The following CNTN6 variants were observed in gnomAD, a reference collection of about 807,000 sequenced individuals.
CNTN6 encodes contactin 6, also known as contactin-6.
Under a neutral mutation model 122.8 loss-of-function variants are expected in CNTN6, and 137 were observed. The ratio of observed to expected loss-of-function variants is 1.12; its 90% CI spans 0.97 to 1.29. CNTN6 has a LOEUF of 1.29. Among genes scored for constraint, CNTN6 ranks in the 50% most tolerant of loss-of-function variants. CNTN6 has a pLI of 0.00. For synonymous variants in CNTN6, 570 were observed against 426.0 expected (o/e 1.34, Z -4.16); for missense variants, 1,634 against 1,223.4 (o/e 1.34, Z -5.01).
intron 4 of CNTN6, among the ~76,000 whole-genome samples, chr3:1,262,146 T>A (rs6768650): frequency 0.022 from 3,344 of 152,268 alleles, 129 homozygotes; most frequent in African/African-American, 0.076. Context: ...ACCTCTTTTC[T>A]GCAGTTACAG....
At chr3:1,282,635 G>C (rs947932097) in intron 5 of CNTN6, among the ~76,000 whole-genome samples, 2 of 152,086 alleles carry the variant, frequency 1.3e-5, no homozygotes, top group Non-Finnish European at 2.9e-5. Flanking sequence ...ACGAAGTTTT[G>C]TAAGGACAGC....
intron 4 of CNTN6, among the ~76,000 whole-genome samples, chr3:1,236,688 A>G (rs543310769): frequency 6.6e-6 from 1 of 152,310 alleles, no homozygotes; most frequent in South Asian, 2.1e-4. Flanking sequence ...CAACTCCCCC[A>G]AAAGATTATG....
rs201612169 is a variant in CNTN6, at chr3:1,385,766, C to T, written c.2673C>T (p.Ser891=). 1.4e-5 allele frequency: 23 copies of T among 1,611,946 alleles called. No homozygotes were observed. In the Middle Eastern group the frequency reaches 5.0e-4, roughly 35 times the overall value. The change falls in exon 20 of 23, where the codon AGC becomes AGT. Residue 891 remains serine, a synonymous_variant. Transcript: ENST00000446702. The stretch of plus-strand genomic sequence containing the variant: ...ACACTGCTGGGACAGGGCCCTCAAG[C>T]CCCCCAGTCAATGTTACCACCAAAA... ...AYNTAGTGPS[S]PPVNVTTKKS... is the part of the protein sequence containing the mutation.
intron 7 of CNTN6, among the ~76,000 whole-genome samples, chr3:1,301,123 G>A (rs1380084970): frequency 5.0e-5 from 7 of 139,544 alleles, no homozygotes; most frequent in Non-Finnish European, 4.5e-5. Context: ...TGCAACCTCC[G>A]CGTCCCCGGT....
At position 1,177,445 on chromosome 3, in the gene CNTN6, A is replaced by G. The variant is rs185743686; in HGVS notation, c.55+29382A>G. ...AAGCAGTTAAAAGTAAGAAATTTAAATTGTATTTTTGTCTTCATTTATTGC... is the reference window on the plus strand; with the variant it reads ...AAGCAGTTAAAAGTAAGAAATTTAAGTTGTATTTTTGTCTTCATTTATTGC... On this transcript the variant is annotated intron_variant, in intron 2 of 22. Coordinates refer to ENST00000446702, the MANE Select transcript of CNTN6 (RefSeq NM_001289080.2). Among the ~76,000 whole-genome samples, 202 of 152,268 alleles carry G rather than the reference A, an allele frequency of 1.3e-3. 1 individual carries two copies. The highest frequency in any genetic ancestry group is 1.9e-3 in the Non-Finnish European group (129 of 68,018).
intron 4 of CNTN6, among the ~76,000 whole-genome samples, chr3:1,233,734 CAAA>C (rs1166507455): frequency 7.7e-5 from 4 of 52,168 alleles, no homozygotes; most frequent in Admixed American, 2.4e-4. Flanking sequence ...GACTCTGTCT[CAAA>C]AAAAAAAAAA....
intron 4 of CNTN6, among the ~76,000 whole-genome samples, chr3:1,276,835 C>G (rs896137698): frequency 6.6e-6 from 1 of 152,158 alleles, no homozygotes; most frequent in African/African-American, 2.4e-5. Context: ...CTAAAGTTGA[C>G]GTTCCAGATT....
chr3:1,216,088 G>A (rs2094126530), intron 2 of CNTN6, among the ~76,000 whole-genome samples: 1 of 152,046 alleles, frequency 6.6e-6, no homozygotes, highest in Admixed American at 6.6e-5. Flanking sequence ...CTGAGTGCAT[G>A]GGCATGACAT....
intron 11 of CNTN6, among the ~76,000 whole-genome samples, chr3:1,334,115 G>A (rs189295054): frequency 1.2e-4 from 19 of 152,174 alleles, no homozygotes; most frequent in Non-Finnish European, 2.5e-4. Flanking sequence ...AGTGTTTCTC[G>A]AACCAAAAAT....
intron 8 of CNTN6, 105 bp from the exon 9 acceptor site, chr3:1,325,710 A>G (rs1701439500): frequency 5.1e-6 from 6 of 1,172,448 alleles, no homozygotes. Context: ...ATCCAACTGG[A>G]CCCAGTTAGC....
chr3:1,159,628 A>G (rs964843140), intron 2 of CNTN6, among the ~76,000 whole-genome samples: 1 of 151,754 alleles, frequency 6.6e-6, no homozygotes, highest in Non-Finnish European at 1.5e-5. Context: ...TTTTTATCTT[A>G]TAAAAATAAA....
At chr3:1,190,641 A>G (rs1208470729) in intron 2 of CNTN6, among the ~76,000 whole-genome samples, 1 of 152,190 alleles carries the variant, frequency 6.6e-6, no homozygotes, top group African/African-American at 2.4e-5. Context: ...ATCTCTACAG[A>G]AAGAAAAAAA....
At chr3:1,225,001 G>A (rs558565741) in intron 3 of CNTN6, among the ~76,000 whole-genome samples, 36 of 152,214 alleles carry the variant, frequency 2.4e-4, no homozygotes, top group African/African-American at 8.7e-4. Flanking sequence ...GCCTGCCTCG[G>A]CCTTCCAAAG....
chr3:1,102,757 T>C (rs2090995521), intron 1 of CNTN6, among the ~76,000 whole-genome samples: 3 of 145,316 alleles, frequency 2.1e-5, no homozygotes, highest in South Asian at 2.2e-4. Flanking sequence ...AAATAAGAAA[T>C]AGACATGCAT....
intron 1 of CNTN6, among the ~76,000 whole-genome samples, chr3:1,101,122 T>G (rs2090871157): frequency 6.6e-6 from 1 of 152,190 alleles, no homozygotes; most frequent in South Asian, 2.1e-4. Flanking sequence ...TTTTTTGGCT[T>G]CAAATTATAT....
chr3:1,119,224 A>G (rs1337487264), intron 1 of CNTN6, among the ~76,000 whole-genome samples: 1 of 151,336 alleles, frequency 6.6e-6, no homozygotes, highest in African/African-American at 2.4e-5. Context: ...GATGTAGGTC[A>G]TAATAGGACT....
chr3:1,385,484 G>GT (rs1692735315), intron 19 of CNTN6, 127 bp from the exon 20 acceptor site: 2 of 621,674 alleles, frequency 3.2e-6, no homozygotes, highest in South Asian at 7.1e-5. Flanking sequence ...ATTAGAAAAC[G>GT]TTTTTGTCAT....
At chr3:1,163,027 T>G (rs149677316) in intron 2 of CNTN6, among the ~76,000 whole-genome samples, 2 of 152,330 alleles carry the variant, frequency 1.3e-5, no homozygotes, top group Non-Finnish European at 2.9e-5. Context: ...GACAATGGAA[T>G]TGTAATCCTT....
chr3:1,095,488 AACAG>A (rs1010758028), intron 1 of CNTN6, among the ~76,000 whole-genome samples: 9 of 152,038 alleles, frequency 5.9e-5, no homozygotes, highest in African/African-American at 2.2e-4. Context: ...CAAACAAACA[AACAG>A]AAAACAGAAA....
Sources: allele counts gnomAD v4.1 joint callset (sites outside exome capture counted in the v4.1 genomes callset), GRCh38; gene constraint gnomAD v4.1.1; transcripts MANE v1.5; gene names NCBI Gene and HGNC (gene_info 2026-07-23, HGNC 2026-07-21).